Variants in ROBO1 observed in about 807,000 individuals in gnomAD.
The protein encoded by ROBO1 is roundabout guidance receptor 1.
Under a neutral mutation model 195.9 loss-of-function variants are expected in ROBO1, and 149 were observed. That is an observed-to-expected ratio of 0.76 (90% CI 0.67 to 0.87). The LOEUF is 0.87. ROBO1 is among the 40% of genes least tolerant of loss of function. The pLI, the probability that ROBO1 is intolerant of heterozygous loss-of-function variation, is 0.00. For synonymous variants in ROBO1, 816 were observed against 733.2 expected (o/e 1.11, Z -1.82); for missense variants, 1,933 against 2,068.3 (o/e 0.93, Z 1.27).
At chr3:79,243,874 C>T (rs1050094942) in intron 2 of ROBO1, among the ~76,000 whole-genome samples, 2 of 152,070 alleles carry the variant, frequency 1.3e-5, no homozygotes, top group African/African-American at 4.8e-5. Context: ...GTTGCCATTG[C>T]TTTTGGTGTT....
intron 10 of ROBO1, among the ~76,000 whole-genome samples, chr3:78,670,763 G>C (rs1470462865): frequency 6.6e-6 from 1 of 152,102 alleles, no homozygotes; most frequent in Non-Finnish European, 1.5e-5. Context: ...AAGAAACAAG[G>C]TACCATACCA....
intron 2 of ROBO1, among the ~76,000 whole-genome samples, chr3:79,393,698 T>C (rs1447679909): frequency 2.6e-5 from 4 of 152,106 alleles, no homozygotes; most frequent in African/African-American, 9.7e-5. Flanking sequence ...GGAGTGATTG[T>C]TATAAAGGGG....
intron 2 of ROBO1, among the ~76,000 whole-genome samples, chr3:79,174,524 C>G (rs943020996): frequency 9.9e-5 from 15 of 152,092 alleles, no homozygotes. Flanking sequence ...CCACCAATTC[C>G]GGACACATTA....
intron 2 of ROBO1, among the ~76,000 whole-genome samples, chr3:79,234,041 T>G (rs949484079): frequency 6.6e-6 from 1 of 152,118 alleles, no homozygotes; most frequent in Non-Finnish European, 1.5e-5. Flanking sequence ...CAGTTGTTTT[T>G]TGCTTATTCA....
chr3:79,238,109 C>A (rs1041718343), intron 2 of ROBO1, among the ~76,000 whole-genome samples: 23 of 152,042 alleles, frequency 1.5e-4, no homozygotes, highest in African/African-American at 5.6e-4. Flanking sequence ...CTGAAAAGAG[C>A]CACAATCAAG....
chr3:79,628,441 C>T (rs954934594), intron 1 of ROBO1, among the ~76,000 whole-genome samples: 30 of 151,992 alleles, frequency 2.0e-4, no homozygotes, highest in Non-Finnish European at 4.3e-4. Context: ...AATGAGAACA[C>T]AAGGACACAG....
Position 78,600,709 on chromosome 3 carries a change from A to G in ROBO1, c.4745-400T>C, listed in dbSNP as rs7629175. 5.6e-3 allele frequency among the ~76,000 whole-genome samples: 860 copies of G among 152,318 alleles called. 6 individuals are homozygous for G. The highest frequency in any genetic ancestry group is 0.019 in the African/African-American group (787 of 41,574). The stretch of plus-strand genomic sequence containing the variant: ...AAAAGTGATGATAACATCTATACCT[A>G]GAGGGTTTCTGTCAGGCCTCCGTTC... On this transcript the variant is annotated intron_variant, in intron 29 of 30. Coordinates refer to ENST00000464233, the MANE Select transcript of ROBO1 (RefSeq NM_002941.4).
rs527775219 is a variant in ROBO1 at position 79,200,337 on chromosome 3, GTATT to G, written c.89-74802_89-74799del. 7.9e-4 allele frequency among the ~76,000 whole-genome samples: 120 copies of G among 151,626 alleles called. 1 individual carries two copies. In the South Asian group the frequency reaches 0.018, roughly 23 times the overall value. ...ATAAAAATGTATTTGCAAAAAATAG[GTATT>G]TATTTATTTATTTTTGTTTTTGTTA... On this transcript the variant is annotated intron_variant, in intron 2 of 30. Transcript: ENST00000464233.
intron 3 of ROBO1, among the ~76,000 whole-genome samples, chr3:79,011,643 T>C (rs929331914): frequency 6.7e-6 from 1 of 149,482 alleles, no homozygotes; most frequent in Admixed American, 6.7e-5. Flanking sequence ...TTTATATATA[T>C]TTTTTTCATA....
chr3:79,759,514 C>T (rs1704579403), intron 1 of ROBO1, among the ~76,000 whole-genome samples: 1 of 152,076 alleles, frequency 6.6e-6, no homozygotes, highest in South Asian at 2.1e-4. Context: ...AAAGTTCATC[C>T]TTAGTAAACA....
At chr3:79,545,073 T>C (rs1232024331) in intron 2 of ROBO1, among the ~76,000 whole-genome samples, 4 of 151,988 alleles carry the variant, frequency 2.6e-5, no homozygotes, top group Non-Finnish European at 5.9e-5. Context: ...TTAAATAGTA[T>C]CCCTGTAAAA....
intron 2 of ROBO1, among the ~76,000 whole-genome samples, chr3:79,385,319 T>C (rs989350495): frequency 1.3e-5 from 2 of 152,162 alleles, no homozygotes; most frequent in African/African-American, 4.8e-5. Context: ...GCAAATGTTA[T>C]CACAAATGTT....
intron 1 of ROBO1, among the ~76,000 whole-genome samples, chr3:79,619,646 G>A (rs2107969224): frequency 6.6e-6 from 1 of 152,150 alleles, no homozygotes; most frequent in East Asian, 1.9e-4. Flanking sequence ...CATAGTCAGG[G>A]TACATGTGCC....
chr3:79,482,849 G>A (rs552745751), intron 2 of ROBO1, among the ~76,000 whole-genome samples: 2 of 152,220 alleles, frequency 1.3e-5, no homozygotes, highest in African/African-American at 4.8e-5. Flanking sequence ...TTAGGAAATA[G>A]CGTTTGACCA....
intron 2 of ROBO1, among the ~76,000 whole-genome samples, chr3:79,471,241 C>T (rs1575872150): frequency 6.6e-6 from 1 of 152,090 alleles, no homozygotes; most frequent in African/African-American, 2.4e-5. Context: ...TGACATTACA[C>T]TGGGCAACGA....
chr3:79,139,943 A>G (rs1480941062), intron 2 of ROBO1, among the ~76,000 whole-genome samples: 1 of 152,150 alleles, frequency 6.6e-6, no homozygotes, highest in East Asian at 1.9e-4. Context: ...GTATGAACAA[A>G]TACATCCTAC....
At chr3:78,616,361 C>T (rs936765503) in intron 27 of ROBO1, among the ~76,000 whole-genome samples, 6 of 151,936 alleles carry the variant, frequency 3.9e-5, no homozygotes, top group African/African-American at 9.7e-5. Context: ...CATTCAGCAG[C>T]TACTAGAGGA....
At chr3:79,720,318 G>A (rs771425258) in intron 1 of ROBO1, among the ~76,000 whole-genome samples, 1 of 152,108 alleles carries the variant, frequency 6.6e-6, no homozygotes, top group Non-Finnish European at 1.5e-5. Flanking sequence ...TAGGTGCTCT[G>A]GTTTTCAGCA....
At chr3:79,749,506 G>A (rs994107357) in intron 1 of ROBO1, among the ~76,000 whole-genome samples, 1 of 152,190 alleles carries the variant, frequency 6.6e-6, no homozygotes, top group Non-Finnish European at 1.5e-5. Context: ...GGGCATGTCA[G>A]AGGTCTTCAT....
Sources: allele counts gnomAD v4.1 joint callset (sites outside exome capture counted in the v4.1 genomes callset), GRCh38; gene constraint gnomAD v4.1.1; transcripts MANE v1.5; gene names NCBI Gene and HGNC (gene_info 2026-07-23, HGNC 2026-07-21).